The following NRG1 variants were observed in gnomAD, a reference collection of about 807,000 sequenced individuals.
NRG1 encodes the protein neuregulin 1.
A neutral mutation model predicts 63.8 loss-of-function variants in NRG1; 18 were observed. The observed-to-expected ratio is 0.28, with a 90% confidence interval of 0.19 to 0.42. The LOEUF is 0.42. Ranked by LOEUF, NRG1 falls within the 10% of genes least tolerant of loss-of-function variation. The probability of loss-of-function intolerance (pLI) is 1.00; values close to 1 mark genes in which losing one functional copy is unlikely to be tolerated. For synonymous variants in NRG1, 302 were observed against 301.3 expected, an observed-to-expected ratio of 1.00 and a Z score of -0.02; for missense variants, 762 against 814.7, an observed-to-expected ratio of 0.94 and a Z score of 0.79.
chr8:32,510,558 A>T (rs1829057903), intron 1 of NRG1, among the ~76,000 whole-genome samples: 1 of 152,166 alleles, frequency 6.6e-6, no homozygotes, highest in Non-Finnish European at 1.5e-5. Flanking sequence ...AAAATGGAAC[A>T]TCACCTCTAT....
intron 1 of NRG1, among the ~76,000 whole-genome samples, chr8:31,935,135 T>A (rs576797007): frequency 5.9e-5 from 9 of 151,438 alleles, no homozygotes; most frequent in African/African-American, 1.9e-4. Context: ...TTTTTTGTAT[T>A]TTTTTTGTTT....
chr8:32,009,278 T>A (rs1814337013), intron 1 of NRG1, among the ~76,000 whole-genome samples: 1 of 152,100 alleles, frequency 6.6e-6, no homozygotes, highest in Non-Finnish European at 1.5e-5. Context: ...CTTCCTCTTC[T>A]GTTTCTAGTG....
At chr8:32,190,081 T>A (rs1585962739) in intron 1 of NRG1, among the ~76,000 whole-genome samples, 2 of 152,284 alleles carry the variant, frequency 1.3e-5, no homozygotes, top group Admixed American at 1.3e-4. Flanking sequence ...TTTGTCAACA[T>A]TGTTTAGGAA....
chr8:32,221,682 C>T (rs1288577578), intron 1 of NRG1, among the ~76,000 whole-genome samples: 4 of 151,984 alleles, frequency 2.6e-5, no homozygotes, highest in African/African-American at 9.7e-5. Context: ...GTGATTACAG[C>T]ATATATTGAT....
At chr8:31,852,681 G>T (rs1827375403) in intron 1 of NRG1, among the ~76,000 whole-genome samples, 1 of 152,014 alleles carries the variant, frequency 6.6e-6, no homozygotes, top group Non-Finnish European at 1.5e-5. Flanking sequence ...TGAAGTCCTT[G>T]CCCATGCCTA....
chr8:31,770,606 G>A (rs866779913), intron 1 of NRG1, among the ~76,000 whole-genome samples: 1 of 151,158 alleles, frequency 6.6e-6, no homozygotes, highest in South Asian at 2.1e-4. Flanking sequence ...ATCACACACC[G>A]GGGCCTGTTG....
At chr8:32,062,399 G>A (rs1383456158) in intron 1 of NRG1, among the ~76,000 whole-genome samples, 2 of 151,998 alleles carry the variant, frequency 1.3e-5, no homozygotes, top group African/African-American at 2.4e-5. Context: ...TCAGAGTTGG[G>A]GGGAACTAGT....
chr8:32,246,494 GT>G (rs1848599214), intron 1 of NRG1, among the ~76,000 whole-genome samples: 1 of 152,198 alleles, frequency 6.6e-6, no homozygotes, highest in African/African-American at 2.4e-5. Flanking sequence ...CAAATGAAAA[GT>G]ACCTGGCATA....
chr8:32,397,599 G>A (rs1165947918), intron 1 of NRG1, among the ~76,000 whole-genome samples: 3 of 151,066 alleles, frequency 2.0e-5, no homozygotes, highest in African/African-American at 7.3e-5. Flanking sequence ...CTAATTGGGT[G>A]TGTGGATATT....
At chr8:32,533,989 T>C (rs1042278248) in intron 1 of NRG1, among the ~76,000 whole-genome samples, 2 of 152,080 alleles carry the variant, frequency 1.3e-5, no homozygotes, top group Non-Finnish European at 2.9e-5. Flanking sequence ...ATAAGAAATG[T>C]ATGGAAATAG....
chr8:32,771,568 A>G (rs910354238), downstream of NRG1, among the ~76,000 whole-genome samples: 2 of 150,228 alleles, frequency 1.3e-5, no homozygotes, highest in African/African-American at 4.9e-5. Context: ...CTAAACCATG[A>G]CTCTGTAGAG....
intron 1 of NRG1, among the ~76,000 whole-genome samples, chr8:32,275,202 C>G (rs1450549718): frequency 6.6e-6 from 1 of 152,156 alleles, no homozygotes; most frequent in African/African-American, 2.4e-5. Context: ...AGGAATTTGT[C>G]GCATGGGACT....
chr8:32,449,972 C>T (rs1174910335), intron 1 of NRG1, among the ~76,000 whole-genome samples: 4 of 151,974 alleles, frequency 2.6e-5, no homozygotes, highest in South Asian at 2.1e-4. Flanking sequence ...CATAAAGTTC[C>T]GGGATGGGAA....
intron 1 of NRG1, among the ~76,000 whole-genome samples, chr8:31,981,664 C>T (rs1460583662): frequency 6.6e-6 from 1 of 151,898 alleles, no homozygotes; most frequent in Non-Finnish European, 1.5e-5. Flanking sequence ...ACCTCAAATC[C>T]ATTCTGCGAC....
At chr8:32,510,778 G>T (rs1480499129) in intron 1 of NRG1, among the ~76,000 whole-genome samples, 1 of 152,100 alleles carries the variant, frequency 6.6e-6, no homozygotes, top group Admixed American at 6.5e-5. Context: ...TAATCCGGAA[G>T]ATGGCTCCAC....
intron 1 of NRG1, among the ~76,000 whole-genome samples, chr8:31,922,272 G>A (rs1833982835): frequency 6.6e-6 from 1 of 152,110 alleles, no homozygotes; most frequent in Admixed American, 6.5e-5. Flanking sequence ...GCTGTAATAA[G>A]AGTCAGCAAA....
At chr8:32,768,175 G>C (rs1331859129), downstream of NRG1, among the ~76,000 whole-genome samples, 1 of 152,102 alleles carries the variant, frequency 6.6e-6, no homozygotes, top group East Asian at 1.9e-4. Context: ...CTTCCTTGTT[G>C]AAGAGGCCAC....
intron 5 of NRG1, among the ~76,000 whole-genome samples, chr8:32,727,258 G>A (rs976233274): frequency 1.1e-4 from 17 of 152,100 alleles, no homozygotes; most frequent in Non-Finnish European, 2.5e-4. Flanking sequence ...GAGATATTTT[G>A]TAGTGCTTTA....
chr8:32,648,490 T>G (rs1854204596), intron 5 of NRG1: 1 of 1,456,946 alleles, frequency 6.9e-7, no homozygotes. Flanking sequence ...GTTGCCTGGT[T>G]TTGTTTAAGC....
Sources: allele counts gnomAD v4.1 joint callset (sites outside exome capture counted in the v4.1 genomes callset), GRCh38; gene constraint gnomAD v4.1.1; transcripts MANE v1.5; gene names NCBI Gene and HGNC (gene_info 2026-07-23, HGNC 2026-07-21).